The following LRRTM4 variants were observed in gnomAD, a reference collection of about 807,000 sequenced individuals.
The protein encoded by LRRTM4 is leucine rich repeat transmembrane neuronal 4.
A neutral mutation model predicts 47.6 loss-of-function variants in LRRTM4; 25 were observed. The ratio of observed to expected loss-of-function variants is 0.53; its 90% CI spans 0.38 to 0.73. The LOEUF is 0.73. LRRTM4 is among the 30% of genes least tolerant of loss of function. LRRTM4 has a pLI of 0.00. For synonymous variants in LRRTM4, 311 were observed against 269.5 expected (o/e 1.15, Z -1.51); for missense variants, 638 against 713.4 (o/e 0.89, Z 1.20).
At chr2:76,968,159 G>GA (rs1024257239) in intron 3 of LRRTM4, among the ~76,000 whole-genome samples, 22 of 146,148 alleles carry the variant, frequency 1.5e-4, no homozygotes, top group African/African-American at 3.0e-4. Context: ...GCCTACACAG[G>GA]AAAAAAAAAG....
chr2:76,922,788 T>C (rs200717342), intron 3 of LRRTM4, among the ~76,000 whole-genome samples: 1 of 152,016 alleles, frequency 6.6e-6, no homozygotes, highest in Non-Finnish European at 1.5e-5. Flanking sequence ...CATATGCAAA[T>C]GGTAACCAAC....
chr2:77,312,576 T>G (rs939812690), intron 3 of LRRTM4, among the ~76,000 whole-genome samples: 51 of 152,168 alleles, frequency 3.4e-4, no homozygotes, highest in African/African-American at 1.2e-3. Flanking sequence ...AACCTATACT[T>G]CAATTAGTTC....
chr2:76,786,179 A>T (rs1674660135), intron 3 of LRRTM4, among the ~76,000 whole-genome samples: 1 of 152,160 alleles, frequency 6.6e-6, no homozygotes, highest in East Asian at 1.9e-4. Context: ...TTCATAGAGC[A>T]ATTTATAAAG....
intron 3 of LRRTM4, among the ~76,000 whole-genome samples, chr2:77,218,610 A>G (rs952740944): frequency 3.7e-4 from 56 of 152,150 alleles, no homozygotes; most frequent in African/African-American, 1.3e-3. Context: ...AATAGTTTCA[A>G]AGTTGAGAAA....
At chr2:77,447,946 A>T (rs1676116744) in intron 3 of LRRTM4, among the ~76,000 whole-genome samples, 1 of 152,120 alleles carries the variant, frequency 6.6e-6, no homozygotes, top group South Asian at 2.1e-4. Flanking sequence ...AGTACAGTTT[A>T]TTTCTTCAAT....
chr2:77,035,045 T>C (rs968611835), intron 3 of LRRTM4, among the ~76,000 whole-genome samples: 27 of 151,812 alleles, frequency 1.8e-4, no homozygotes, highest in African/African-American at 6.5e-4. Flanking sequence ...TCTTTTATTT[T>C]TATTATTTTT....
intron 3 of LRRTM4, among the ~76,000 whole-genome samples, chr2:76,939,403 C>G (rs1218022527): frequency 1.3e-5 from 2 of 152,102 alleles, no homozygotes; most frequent in African/African-American, 2.4e-5. Flanking sequence ...GTAGTAAAAG[C>G]ATGTCTGCTC....
At chr2:76,820,688 T>C (rs1415076600) in intron 3 of LRRTM4, among the ~76,000 whole-genome samples, 1 of 151,666 alleles carries the variant, frequency 6.6e-6, no homozygotes, top group Non-Finnish European at 1.5e-5. Context: ...ATCATAAAAA[T>C]TAATTAAGAG....
At position 77,409,845 on chromosome 2, in the gene LRRTM4, G is replaced by A. The variant is rs374362022; in HGVS notation, c.1551+108473C>T. On this transcript the variant is annotated intron_variant, in intron 3 of 3. Coordinates refer to ENST00000409884, the MANE Select transcript of LRRTM4 (RefSeq NM_001134745.3). ...AATAACAAGTATTTGCAACCTTCTC[G>A]TGAAGCTCTTCTCCTGTGGTGGCAG... 3.5e-4 allele frequency among the ~76,000 whole-genome samples: 53 copies of A among 152,248 alleles called. 1 individual carries two copies. In the South Asian group the frequency reaches 0.01, roughly 30 times the overall value.
chr2:76,982,250 C>T (rs1238502168), intron 3 of LRRTM4, among the ~76,000 whole-genome samples: 1 of 151,992 alleles, frequency 6.6e-6, no homozygotes, highest in African/African-American at 2.4e-5. Context: ...AAGAAACCCT[C>T]AGCAGAAAAA....
At chr2:76,960,317 CAG>C (rs1180694097) in intron 3 of LRRTM4, among the ~76,000 whole-genome samples, 2 of 151,580 alleles carry the variant, frequency 1.3e-5, no homozygotes, top group South Asian at 2.1e-4. Flanking sequence ...AAAACATAAA[CAG>C]TGGAATTACA....
At chr2:76,885,084 T>C (rs1673032158) in intron 3 of LRRTM4, among the ~76,000 whole-genome samples, 1 of 152,034 alleles carries the variant, frequency 6.6e-6, no homozygotes, top group African/African-American at 2.4e-5. Flanking sequence ...GTGCTTCTGC[T>C]TGGGTTGACT....
chr2:77,365,965 A>C (rs1445420358), intron 3 of LRRTM4, among the ~76,000 whole-genome samples: 1 of 149,810 alleles, frequency 6.7e-6, no homozygotes, highest in Non-Finnish European at 1.5e-5. Flanking sequence ...TAAAATCTAA[A>C]TAATTAATTT....
intron 3 of LRRTM4, among the ~76,000 whole-genome samples, chr2:76,909,366 C>A (rs191751672): frequency 0.012 from 1,802 of 152,194 alleles, 35 homozygotes; most frequent in African/African-American, 0.041. Context: ...AAGACTTAAA[C>A]CTTAGACCTA....
At chr2:77,108,578 C>CTTTTTTTTT (rs200805423) in intron 3 of LRRTM4, among the ~76,000 whole-genome samples, 3 of 142,948 alleles carry the variant, frequency 2.1e-5, no homozygotes, top group Non-Finnish European at 3.0e-5. Flanking sequence ...CACAAACATT[C>CTTTTTTTTT]TTTTTTTTTT....
intron 3 of LRRTM4, among the ~76,000 whole-genome samples, chr2:77,182,832 G>A (rs921575855): frequency 2.0e-5 from 3 of 152,120 alleles, no homozygotes; most frequent in African/African-American, 7.2e-5. Context: ...AAGAAATGGG[G>A]AAAGGATTCC....
intron 3 of LRRTM4, among the ~76,000 whole-genome samples, chr2:76,883,984 ATTT>A (rs72200115): frequency 7.0e-6 from 1 of 143,464 alleles, no homozygotes; most frequent in Non-Finnish European, 1.5e-5. Flanking sequence ...CACCCGGCTA[ATTT>A]TTTTTTTTTT....
rs761352152 is a variant in LRRTM4 at position 77,518,760 on chromosome 2, C to A, written c.1109G>T (p.Arg370Ile). The change falls in exon 3 of 4, where the codon AGA becomes ATA. Residue 370 changes from arginine to isoleucine, a missense_variant. Coordinates refer to ENST00000409884, the MANE Select transcript of LRRTM4 (RefSeq NM_001134745.3). ...CSEVQVVNTE[R>I]SHLVPQTPQK... ...GGGAGTTTGGGGCACCAGGTGTGAT[C>A]TTTCTGTGTTGACCACCTGGACTTC... 6.2e-7 allele frequency: 1 copy of A among 1,613,192 alleles called. No homozygotes were observed. Among genetic ancestry groups the A allele is most frequent in the Non-Finnish European group, 8.5e-7 (1 of 1,179,612 alleles).
chr2:76,800,269 A>G (rs1394947690), intron 3 of LRRTM4, among the ~76,000 whole-genome samples: 1 of 149,674 alleles, frequency 6.7e-6, no homozygotes. Flanking sequence ...AGATCAATGG[A>G]ACAGAACAGA....
Sources: allele counts gnomAD v4.1 joint callset (sites outside exome capture counted in the v4.1 genomes callset), GRCh38; gene constraint gnomAD v4.1.1; transcripts MANE v1.5; gene names NCBI Gene and HGNC (gene_info 2026-07-23, HGNC 2026-07-21).